Variants in ARHGAP40 observed in about 807,000 individuals in gnomAD.
ARHGAP40 encodes the protein Rho GTPase activating protein 40.
A neutral mutation model predicts 73.5 loss-of-function variants in ARHGAP40; 43 were observed. The ratio of observed to expected loss-of-function variants is 0.58; its 90% CI spans 0.46 to 0.75. ARHGAP40 has a LOEUF of 0.75. Among genes scored for constraint, ARHGAP40 ranks in the 30% least tolerant of loss-of-function variants. The probability of loss-of-function intolerance (pLI) is 0.00; values close to 1 mark genes in which losing one functional copy is unlikely to be tolerated. For synonymous variants in ARHGAP40, 300 were observed against 352.8 expected (o/e 0.85, Z 1.68); for missense variants, 734 against 861.8 (o/e 0.85, Z 1.86).
rs1555791785 is a variant in ARHGAP40 at position 38,625,401 on chromosome 20, T to TTC, written c.338-1594_338-1593insTC. On this transcript the variant is annotated intron_variant, in intron 2 of 14. Coordinates refer to ENST00000373345, the Ensembl canonical transcript of ARHGAP40. ...TGGAGCCAAGACTGGTTTTTTTTTTTCCTTTCTTTTCTTTTTATTTATTTA... is the reference window on the plus strand; with the variant it reads ...TGGAGCCAAGACTGGTTTTTTTTTTTTCCCTTTCTTTTCTTTTTATTTATTTA... Among the ~76,000 whole-genome samples, 586 of 151,838 alleles carry TTC rather than the reference T, an allele frequency of 3.9e-3. 5 individuals are homozygous for TTC. Among genetic ancestry groups the TTC allele is most frequent in the African/African-American group, 0.014 (562 of 41,328 alleles).
intron 4 of ARHGAP40, 49 bp from the exon 5 acceptor site, chr20:38,629,453 G>C: frequency 7.7e-7 from 1 of 1,302,102 alleles, no homozygotes; most frequent in Non-Finnish European, 1.0e-6. Flanking sequence ...TTGCTTCCTG[G>C]CAGCCAGTTC....
At chr20:38,638,640 C>T (rs988718084) in intron 7 of ARHGAP40, 121 bp from the exon 8 acceptor site, 2 of 619,250 alleles carry the variant, frequency 3.2e-6, no homozygotes, top group Non-Finnish European at 5.1e-6. Context: ...TAATATTATT[C>T]CGAAGGAAAC....
At chr20:38,627,078 G>C (rs1313305133) in exon 3 of ARHGAP40, 2 of 1,305,430 alleles carry the variant, frequency 1.5e-6, no homozygotes. Context: ...TGATCACCAG[G>C]AGCTCCTGTC....
At chr20:38,626,450 G>A (rs866332583) in intron 2 of ARHGAP40, among the ~76,000 whole-genome samples, 3 of 152,228 alleles carry the variant, frequency 2.0e-5, no homozygotes, top group Non-Finnish European at 1.5e-5. Context: ...GGTAAGACCC[G>A]AGATCCTGAA....
chr20:38,619,354 T>C (rs1237255565), intron 1 of ARHGAP40, among the ~76,000 whole-genome samples: 1 of 152,014 alleles, frequency 6.6e-6, no homozygotes, highest in African/African-American at 2.4e-5. Flanking sequence ...AAGACTGCGA[T>C]GAGGCTGTGG....
At chr20:38,629,379 C>G in intron 4 of ARHGAP40, 123 bp from the exon 5 acceptor site, 3 of 1,017,714 alleles carry the variant, frequency 2.9e-6, no homozygotes, top group Non-Finnish European at 3.9e-6. Context: ...GATCCTGGGG[C>G]TTTGAACTTG....
chr20:38,633,874 C>T (rs956472874), intron 5 of ARHGAP40, among the ~76,000 whole-genome samples: 1 of 152,160 alleles, frequency 6.6e-6, no homozygotes, highest in Non-Finnish European at 1.5e-5. Flanking sequence ...GGGACAGAGC[C>T]GGTGAGGCAG....
intron 5 of ARHGAP40, among the ~76,000 whole-genome samples, chr20:38,633,991 T>C (rs2088957621): frequency 6.6e-6 from 1 of 152,212 alleles, no homozygotes; most frequent in African/African-American, 2.4e-5. Flanking sequence ...TTTCTGTTTC[T>C]TGGGGCTTCG....
intron 1 of ARHGAP40, among the ~76,000 whole-genome samples, chr20:38,605,057 G>A (rs1488969745): frequency 6.6e-6 from 1 of 152,128 alleles, no homozygotes; most frequent in Non-Finnish European, 1.5e-5. Flanking sequence ...AATCCTTTGA[G>A]TCTGTTCATC....
chr20:38,649,876 A>G (rs1446014381), exon 15 of ARHGAP40: 1 of 1,285,862 alleles, frequency 7.8e-7, no homozygotes, highest in Non-Finnish European at 1.0e-6. Context: ...AGCAGCCTGG[A>G]TGCCTCCTCC....
At position 38,638,892 on chromosome 20, in the gene ARHGAP40, T is replaced by C. The variant is rs752440633; in HGVS notation, c.1119+54T>C. ...AGGCTGCATCTCCCCCATGCTCACA[T>C]GTGTGTTAAGCCGGGAGGGAAACCA... On this transcript the variant is annotated intron_variant, in intron 8 of 14. Coordinates refer to ENST00000373345, the Ensembl canonical transcript of ARHGAP40. The C allele has an allele frequency of 3.8e-5, 49 of 1,279,712 alleles. No individual in the cohort carries two copies. The South Asian group carries it at 5.8e-4, about 15-fold the overall frequency. 79.3% of individuals were successfully genotyped at this position (1,279,712 alleles called of 1,614,324 possible). A position where few individuals can be genotyped will look rare whatever the true frequency, so the allele number is the denominator to read the frequency against.
chr20:38,624,474 T>C (rs777612149), intron 2 of ARHGAP40, among the ~76,000 whole-genome samples: 1 of 152,068 alleles, frequency 6.6e-6, no homozygotes, highest in African/African-American at 2.4e-5. Flanking sequence ...GTCAAAGAAT[T>C]TGGGGACGTG....
intron 3 of ARHGAP40, among the ~76,000 whole-genome samples, chr20:38,628,343 C>A (rs555882975): frequency 6.0e-5 from 9 of 150,480 alleles, no homozygotes; most frequent in African/African-American, 2.2e-4. Context: ...CTCGCTCTGT[C>A]GCCCAGGCTA....
rs369638047 is a variant in ARHGAP40, at chr20:38,623,534, G to A, written c.313G>A (p.Gly105Arg). The change falls in exon 2 of 15, where the codon GGG becomes AGG. Residue 105 changes from glycine to arginine, a missense_variant. Coordinates refer to ENST00000373345, the Ensembl canonical transcript of ARHGAP40. ...TGAGCTGAGGGAAGAGGACAGTGGCGGGAATGAAGGCCAGCTTCCAGAGGG... is the reference window on the plus strand; with the variant it reads ...TGAGCTGAGGGAAGAGGACAGTGGCAGGAATGAAGGCCAGCTTCCAGAGGG... The A allele has an allele frequency of 1.2e-4, 154 of 1,289,898 alleles. No homozygotes were observed. The African/African-American group carries it at 2.0e-3, about 17-fold the overall frequency. 79.9% of individuals were successfully genotyped at this position (1,289,898 alleles called of 1,614,324 possible).
chr20:38,605,391 C>CG (rs1488115177), intron 1 of ARHGAP40, among the ~76,000 whole-genome samples: 1 of 152,116 alleles, frequency 6.6e-6, no homozygotes, highest in Non-Finnish European at 1.5e-5. Flanking sequence ...CCTGAAAGGC[C>CG]TGAGCAGGGA....
At chr20:38,627,606 T>G (rs1431205212) in intron 3 of ARHGAP40, among the ~76,000 whole-genome samples, 10 of 116,088 alleles carry the variant, frequency 8.6e-5, no homozygotes, top group Admixed American at 8.4e-4. Context: ...TGTGCGTTGG[T>G]GTGTGTGTGT....
chr20:38,642,668 C>T lies in ARHGAP40; in HGVS notation c.1362+860C>T, dbSNP rs1017848124. Reference sequence around the variant, plus strand: ...TCCATTTATTCTTCCTTCCACCACCCATTTATTCTCATTCGTCCATCTATT... The same window carrying T: ...TCCATTTATTCTTCCTTCCACCACCTATTTATTCTCATTCGTCCATCTATT... On this transcript the variant is annotated intron_variant, in intron 10 of 14. Transcript: ENST00000373345. Among the ~76,000 whole-genome samples the T allele has an allele frequency of 2.0e-5, 3 of 151,646 alleles. No individual in the cohort carries two copies. The East Asian group carries it at 5.8e-4, about 29-fold the overall frequency.
chr20:38,644,268 C>T (rs978661098), intron 11 of ARHGAP40, among the ~76,000 whole-genome samples: 1 of 152,206 alleles, frequency 6.6e-6, no homozygotes, highest in Admixed American at 6.5e-5. Flanking sequence ...AGACAGAGCC[C>T]AGAACCAGAT....
chr20:38,643,933 T>TATCC (rs1217991164), intron 11 of ARHGAP40, 23 bp downstream of exon 11: 1 of 1,279,254 alleles, frequency 7.8e-7, no homozygotes, highest in Non-Finnish European at 1.0e-6. Context: ...GGGCGCTGGG[T>TATCC]ATCCCTCTGG....
Sources: allele counts gnomAD v4.1 joint callset (sites outside exome capture counted in the v4.1 genomes callset), GRCh38; gene constraint gnomAD v4.1.1; transcripts MANE v1.5; gene names NCBI Gene and HGNC (gene_info 2026-07-23, HGNC 2026-07-21).